Variants in PGBD5 observed in about 807,000 individuals in gnomAD.
The protein encoded by PGBD5 is piggyBac transposable element derived 5, also known as piggyBac transposable element-derived protein 5.
Under a neutral mutation model 47.9 loss-of-function variants are expected in PGBD5, and 14 were observed. The observed-to-expected ratio is 0.29, with a 90% CI of 0.19 to 0.46. The LOEUF (loss-of-function observed/expected upper bound fraction) is 0.46, where lower values mean the gene tolerates loss of function less well. Among genes scored for constraint, PGBD5 ranks in the 20% least tolerant of loss-of-function variants. The pLI, the probability that PGBD5 is intolerant of heterozygous loss-of-function variation, is 1.00. For missense variants in PGBD5, 635 were observed against 716.0 expected (o/e 0.89, Z 1.29); for synonymous variants, 316 against 306.3 (o/e 1.03, Z -0.33).
At chr1:230,325,184 T>C (rs1667096088) in intron 6 of PGBD5, 126 bp downstream of exon 6, 1 of 740,696 alleles carries the variant, frequency 1.4e-6, no homozygotes, top group African/African-American at 1.8e-5. Flanking sequence ...GGCAGGATCT[T>C]ACCTCCCAGG....
intron 1 of PGBD5, among the ~76,000 whole-genome samples, chr1:230,361,110 A>AC (rs972982479): frequency 6.6e-6 from 1 of 152,156 alleles, no homozygotes; most frequent in African/African-American, 2.4e-5. Context: ...TACACATGGT[A>AC]CCTACATACG....
At chr1:230,350,145 T>C (rs1667539172) in intron 3 of PGBD5, among the ~76,000 whole-genome samples, 2 of 152,174 alleles carry the variant, frequency 1.3e-5, no homozygotes, top group African/African-American at 4.8e-5. Flanking sequence ...CAAGTGAGCG[T>C]GCGGTCAGCA....
At chr1:230,415,866 A>C (rs1001404765) in intron 1 of PGBD5, among the ~76,000 whole-genome samples, 8 of 152,188 alleles carry the variant, frequency 5.3e-5, no homozygotes, top group Non-Finnish European at 1.0e-4. Flanking sequence ...TCATTGCTCT[A>C]ATATGATTCT....
At chr1:230,395,044 G>A (rs111214142) in intron 1 of PGBD5, among the ~76,000 whole-genome samples, 922 of 10,324 alleles carry the variant, frequency 0.089, 16 homozygotes, top group Non-Finnish European at 0.1. Flanking sequence ...CCTCCTCCCC[G>A]TCCCAGAGCT....
intron 3 of PGBD5, among the ~76,000 whole-genome samples, chr1:230,346,050 C>T (rs1020235458): frequency 9.3e-5 from 14 of 151,246 alleles, no homozygotes; most frequent in African/African-American, 3.4e-4. Context: ...AAGATATTTT[C>T]TTTTTTTTTG....
chr1:230,325,367 A>G lies in PGBD5; in HGVS notation c.1322T>C (p.Val441Ala). 1 of 1,613,894 alleles carries G rather than the reference A, an allele frequency of 6.2e-7. No homozygotes were observed. Among genetic ancestry groups the G allele is most frequent in the Non-Finnish European group, 8.5e-7 (1 of 1,179,910 alleles). Residue 441 changes from valine (V) to alanine (A), a missense_variant, in exon 6 of 7, where the codon GTG becomes GCG. By Grantham distance (64) the Val-to-Ala change is moderately conservative. Coordinates refer to ENST00000391860, the MANE Select transcript of PGBD5 (RefSeq NM_001258311.2). The stretch of plus-strand genomic sequence containing the variant: ...GCTCAGGTGAGCGGCAAACGCCTCC[A>G]CGGCCAAGGGGCATGGGATCTCCCC... The part of the protein sequence containing the change: ...KSGEIPCPLA[V>A]EAFAAHLSYI...
intron 1 of PGBD5, among the ~76,000 whole-genome samples, chr1:230,396,261 TCCTCCTTTTTACCCC>T (rs1656965933): frequency 6.5e-5 from 2 of 30,976 alleles, no homozygotes; most frequent in Admixed American, 4.1e-4. Flanking sequence ...ACCCCCACAC[TCCTCCTTTTTACCCC>T]CACACTCTTC....
intron 1 of PGBD5, among the ~76,000 whole-genome samples, chr1:230,406,065 T>C (rs1353270124): frequency 6.6e-6 from 1 of 152,126 alleles, no homozygotes; most frequent in East Asian, 1.9e-4. Context: ...TCCCAATACT[T>C]TGGGAGGCCG....
intron 3 of PGBD5, among the ~76,000 whole-genome samples, chr1:230,346,795 A>G (rs1168974024): frequency 6.6e-6 from 1 of 152,056 alleles, no homozygotes; most frequent in Non-Finnish European, 1.5e-5. Flanking sequence ...CACCTCCGGT[A>G]TTGCACTTGT....
Position 230,392,480 on chromosome 1 carries a change from T to A in PGBD5, c.331+33118A>T, listed in dbSNP as rs1476055005. 3.9e-5 allele frequency among the ~76,000 whole-genome samples: 6 copies of A among 152,136 alleles called. No individual in the cohort carries two copies. In the East Asian group the frequency reaches 7.7e-4, roughly 20 times the overall value. ...TCATTCCAGGCAGATCTTCTCCCCC[T>A]CCAAAGCTGAGTTATAAAGCACCCG... On this transcript the variant is annotated intron_variant, in intron 1 of 6. Coordinates refer to ENST00000391860, the MANE Select transcript of PGBD5 (RefSeq NM_001258311.2).
chr1:230,413,371 A>G (rs770135362), intron 1 of PGBD5, among the ~76,000 whole-genome samples: 21 of 152,036 alleles, frequency 1.4e-4, no homozygotes, highest in Non-Finnish European at 2.8e-4. Context: ...ATGGTGGCAC[A>G]CACCTGTAGT....
intron 1 of PGBD5, among the ~76,000 whole-genome samples, chr1:230,358,792 T>C (rs1031350279): frequency 1.3e-5 from 2 of 152,236 alleles, no homozygotes; most frequent in Non-Finnish European, 2.9e-5. Flanking sequence ...CTAGGAGCGA[T>C]AGGCTATGCC....
At chr1:230,422,777 G>A (rs1318181542) in intron 1 of PGBD5, among the ~76,000 whole-genome samples, 2 of 152,124 alleles carry the variant, frequency 1.3e-5, no homozygotes, top group East Asian at 3.9e-4. Context: ...ACAGCCTGAA[G>A]AATGGCGAGG....
At position 230,425,470 on chromosome 1, in the gene PGBD5, T is replaced by G; in HGVS notation, c.331+128A>C. 3 of 686,252 alleles carry G rather than the reference T, an allele frequency of 4.4e-6. No homozygotes were observed. Among genetic ancestry groups the G allele is most frequent in the South Asian group, 7.6e-5 (1 of 13,196 alleles). The allele number at this position is 686,252 out of a possible 1,614,324, so 42.5% of individuals were successfully genotyped here. On this transcript the variant is annotated intron_variant, in intron 1 of 6. Transcript: ENST00000391860. The surrounding 1 kb of genome is among the most constrained non-coding windows in gnomAD (Gnocchi z 4.7). ...ACCGATCACCGCTCCTGCAGCCTCA[T>G]TTGTTTCCGGAGAGACACCCACAAG...
rs1572187787 is a variant in PGBD5 at position 230,315,338 on chromosome 1, G to C, written c.*8087C>G. ...GGTTGGAAACTGCTTTCCCCACTGA[G>C]CTGAAGGCTGCCTCCTGGGATATGC... On this transcript the variant is annotated 3_prime_UTR_variant, in exon 7 of 7. Coordinates refer to ENST00000391860, the MANE Select transcript of PGBD5 (RefSeq NM_001258311.2). 1 of 152,130 alleles carries C rather than the reference G, an allele frequency of 6.6e-6. No homozygotes were observed. The highest frequency in any genetic ancestry group is 1.9e-4 in the East Asian group (1 of 5,194). 9.4% of individuals were successfully genotyped at this position (152,130 alleles called of 1,614,324 possible).
At chr1:230,334,689 T>C (rs1182463318) in intron 4 of PGBD5, among the ~76,000 whole-genome samples, 1 of 152,202 alleles carries the variant, frequency 6.6e-6, no homozygotes, top group Non-Finnish European at 1.5e-5. Context: ...GTGGACATGC[T>C]GGAGGACACT....
At chr1:230,349,491 T>C (rs778760407) in intron 3 of PGBD5, among the ~76,000 whole-genome samples, 13 of 139,112 alleles carry the variant, frequency 9.3e-5, no homozygotes, top group Non-Finnish European at 1.7e-4. Context: ...ACTATGATCA[T>C]GCTGCTTTAC....
At chr1:230,349,881 C>G (rs1000947305) in intron 3 of PGBD5, among the ~76,000 whole-genome samples, 6 of 152,190 alleles carry the variant, frequency 3.9e-5, no homozygotes, top group African/African-American at 1.4e-4. Context: ...AAGCAGAGCC[C>G]CAGAGTCTGG....
intron 4 of PGBD5, among the ~76,000 whole-genome samples, chr1:230,335,204 T>C (rs1395561348): frequency 9.8e-5 from 2 of 20,356 alleles, no homozygotes; most frequent in Non-Finnish European, 2.1e-4. Context: ...CACACACAGA[T>C]ATACAGACAG....
Sources: gnomAD v4.1 joint callset for allele counts (sites outside exome capture counted in the v4.1 genomes callset) on GRCh38, gnomAD v4.1.1 for gene constraint, Gnocchi (gnomAD v3.1) non-coding constraint, MANE v1.5 for transcripts, NCBI Gene and HGNC (gene_info 2026-07-23, HGNC 2026-07-21) for gene names.